Variants in SLC25A26 observed in about 807,000 individuals in gnomAD.
SLC25A26 encodes mitochondrial S-adenosylmethionine carrier protein.
SLC25A26 carries 36 observed loss-of-function variants against 37.8 expected under a neutral mutation model. The ratio of observed to expected loss-of-function variants is 0.95; its 90% CI spans 0.73 to 1.26. The LOEUF (loss-of-function observed/expected upper bound fraction) is 1.26, where lower values mean the gene tolerates loss of function less well. SLC25A26 is among the 50% of genes most tolerant of loss of function. The pLI, the probability that SLC25A26 is intolerant of heterozygous loss-of-function variation, is 0.00. For missense variants in SLC25A26, 390 were observed against 331.1 expected (o/e 1.18, Z -1.38); for synonymous variants, 129 against 122.5 (o/e 1.05, Z -0.35).
chr3:66,140,735 G>A, intron 1 of SLC25A26, among the ~76,000 whole-genome samples: 1 of 151,996 alleles, frequency 6.6e-6, no homozygotes, highest in East Asian at 1.9e-4. Flanking sequence ...AAATTTCCCA[G>A]TTTCTCAGAT....
At chr3:66,275,421 A>T (rs1434907209) in intron 5 of SLC25A26, among the ~76,000 whole-genome samples, 2 of 151,900 alleles carry the variant, frequency 1.3e-5, no homozygotes, top group African/African-American at 4.8e-5. Context: ...AAAAAAATTA[A>T]TTACTGCTGT....
chr3:66,150,835 T>C (rs759548914), intron 1 of SLC25A26, among the ~76,000 whole-genome samples: 4 of 151,270 alleles, frequency 2.6e-5, no homozygotes, highest in African/African-American at 4.9e-5. Context: ...TCAGGACTTA[T>C]TGGATATTTG....
At chr3:66,341,281 TC>T (rs2076203614) in intron 5 of SLC25A26, among the ~76,000 whole-genome samples, 1 of 152,162 alleles carries the variant, frequency 6.6e-6, no homozygotes, top group Non-Finnish European at 1.5e-5. Context: ...AGCATTTTTA[TC>T]ATAAGTCAGT....
intron 5 of SLC25A26, among the ~76,000 whole-genome samples, chr3:66,267,147 A>T (rs188591356): frequency 4.1e-4 from 63 of 152,298 alleles, no homozygotes; most frequent in African/African-American, 1.4e-3. Context: ...CACTGTAATG[A>T]TAAGTATATA....
chr3:66,282,300 C>T (rs796766912), intron 5 of SLC25A26, among the ~76,000 whole-genome samples: 42 of 152,160 alleles, frequency 2.8e-4, no homozygotes, highest in African/African-American at 7.2e-4. Context: ...CGTGAGCCAC[C>T]GCGCCCGGCC....
intron 1 of SLC25A26, among the ~76,000 whole-genome samples, chr3:66,136,329 C>T (rs1188136764): frequency 6.6e-6 from 1 of 152,146 alleles, no homozygotes; most frequent in African/African-American, 2.4e-5. Context: ...CATGATTTTA[C>T]CTTTTTGGGA....
chr3:66,225,718 T>A (rs2071714404), intron 1 of SLC25A26, among the ~76,000 whole-genome samples: 1 of 152,198 alleles, frequency 6.6e-6, no homozygotes, highest in Non-Finnish European at 1.5e-5. Flanking sequence ...CTTTGTCACC[T>A]CTAGGATGCT....
intron 1 of SLC25A26, among the ~76,000 whole-genome samples, chr3:66,182,422 G>A (rs902128221): frequency 2.6e-5 from 4 of 151,888 alleles, no homozygotes; most frequent in African/African-American, 4.9e-5. Context: ...CCAATGAAAC[G>A]GGAGGCGGCC....
At chr3:66,295,648 A>C (rs1038877652) in intron 5 of SLC25A26, among the ~76,000 whole-genome samples, 1 of 151,230 alleles carries the variant, frequency 6.6e-6, no homozygotes, top group Non-Finnish European at 1.5e-5. Context: ...TGATCCGCCC[A>C]CCTCGGCCTC....
At chr3:66,270,733 C>T (rs34641747) in intron 5 of SLC25A26, among the ~76,000 whole-genome samples, 24,416 of 152,068 alleles carry the variant, frequency 0.16, 2,383 homozygotes, top group Non-Finnish European at 0.23. Context: ...TATTACTCCT[C>T]AAACCTGGAC....
chr3:66,171,339 G>A (rs1364396858), intron 1 of SLC25A26, among the ~76,000 whole-genome samples: 2 of 152,126 alleles, frequency 1.3e-5, no homozygotes, highest in African/African-American at 2.4e-5. Context: ...CATGATTTTG[G>A]TTATGATGCT....
intron 5 of SLC25A26, among the ~76,000 whole-genome samples, chr3:66,315,348 C>T (rs2075508099): frequency 6.6e-6 from 1 of 152,128 alleles, no homozygotes; most frequent in Non-Finnish European, 1.5e-5. Context: ...TTTCAAATAA[C>T]TTCTTGATTT....
chr3:66,141,738 T>C (rs888357531), intron 1 of SLC25A26, among the ~76,000 whole-genome samples: 1 of 152,162 alleles, frequency 6.6e-6, no homozygotes, highest in Non-Finnish European at 1.5e-5. Flanking sequence ...GGTTTCGAAC[T>C]CCCGACCTCA....
At chr3:66,222,656 C>T (rs545640256) in intron 1 of SLC25A26, among the ~76,000 whole-genome samples, 7 of 152,202 alleles carry the variant, frequency 4.6e-5, no homozygotes, top group African/African-American at 1.7e-4. Flanking sequence ...AGTGGGATAC[C>T]AAGAGATTAG....
chr3:66,186,691 C>G (rs1196316840), intron 1 of SLC25A26, among the ~76,000 whole-genome samples: 4 of 152,084 alleles, frequency 2.6e-5, no homozygotes, highest in Non-Finnish European at 4.4e-5. Flanking sequence ...GACCATAACC[C>G]TGACCACCTT....
chr3:66,183,253 C>G (rs1232233192), intron 1 of SLC25A26, among the ~76,000 whole-genome samples: 1 of 151,972 alleles, frequency 6.6e-6, no homozygotes. Context: ...CTGCCATTCA[C>G]TCTGACACAG....
At chr3:66,310,356 A>G (rs1213207670) in intron 5 of SLC25A26, among the ~76,000 whole-genome samples, 1 of 152,172 alleles carries the variant, frequency 6.6e-6, no homozygotes. Flanking sequence ...GGCTTGGTAA[A>G]TATTCCTCCA....
At chr3:66,275,981 T>G (rs1203962703) in intron 5 of SLC25A26, among the ~76,000 whole-genome samples, 2 of 152,068 alleles carry the variant, frequency 1.3e-5, no homozygotes, top group Non-Finnish European at 2.9e-5. Context: ...ATATGGAGTA[T>G]TAAGAGACTA....
rs782166275 is a variant in SLC25A26 at position 66,243,284 on chromosome 3, A to G, written c.272A>G (p.His91Arg). ...TCTTCATATTTGACACCTATGAAACATATGTTGGCTGCCTCTGCTGGAGAA... is the reference window on the plus strand; with the variant it reads ...TCTTCATATTTGACACCTATGAAACGTATGTTGGCTGCCTCTGCTGGAGAA... Reference protein sequence around the residue: ...DSSSYLTPMKHMLAASAGEVV... With the variant: ...DSSSYLTPMKRMLAASAGEVV... Residue 91 changes from histidine (H) to arginine (R), a missense_variant, in exon 3 of 10, where the codon CAT becomes CGT. Physicochemically the swap from His to Arg is conservative, Grantham distance 29. Transcript: ENST00000354883. 1.2e-5 allele frequency: 20 copies of G among 1,605,878 alleles called. No individual in the cohort carries two copies. Among genetic ancestry groups the G allele is most frequent in the Middle Eastern group, 1.7e-4 (1 of 6,046 alleles).
Sources: gnomAD v4.1 joint callset for allele counts (sites outside exome capture counted in the v4.1 genomes callset) on GRCh38, gnomAD v4.1.1 for gene constraint, MANE v1.5 for transcripts, NCBI Gene and HGNC (gene_info 2026-07-23, HGNC 2026-07-21) for gene names.